Variants in KLHL32 observed in about 807,000 individuals in gnomAD.
The protein encoded by KLHL32 is kelch like family member 32, also known as kelch-like protein 32.
Under a neutral mutation model 64.8 loss-of-function variants are expected in KLHL32, and 35 were observed. That is an observed-to-expected ratio of 0.54 (90% CI 0.41 to 0.72). KLHL32 has a LOEUF of 0.72. Ranked by LOEUF, KLHL32 falls within the 30% of genes least tolerant of loss-of-function variation. KLHL32 has a pLI of 0.00. For synonymous variants in KLHL32, 259 were observed against 281.0 expected (o/e 0.92, Z 0.78); for missense variants, 589 against 768.5 (o/e 0.77, Z 2.76).
At chr6:96,979,437 C>A (rs1015902504) in intron 3 of KLHL32, among the ~76,000 whole-genome samples, 1 of 152,132 alleles carries the variant, frequency 6.6e-6, no homozygotes, top group Non-Finnish European at 1.5e-5. Flanking sequence ...TGTCAAAGAT[C>A]AGATGGTTGT....
chr6:96,935,037 TAAG>T (rs1460924078), intron 1 of KLHL32, among the ~76,000 whole-genome samples: 2 of 152,182 alleles, frequency 1.3e-5, no homozygotes, highest in Non-Finnish European at 2.9e-5. Context: ...AGTATACAGA[TAAG>T]AAGAAAAAGA....
At chr6:97,054,863 C>T (rs1340224131) in intron 4 of KLHL32, among the ~76,000 whole-genome samples, 11 of 152,054 alleles carry the variant, frequency 7.2e-5, no homozygotes, top group South Asian at 2.1e-4. Context: ...TGCTTGAACC[C>T]GGGAGGCAGA....
chr6:96,903,419 A>G, the KLHL32 span, among the ~76,000 whole-genome samples: 1 of 152,210 alleles, frequency 6.6e-6, no homozygotes, highest in African/African-American at 2.4e-5. Context: ...GGTCACTCTC[A>G]TGATTACTTT....
Position 97,113,809 on chromosome 6 carries a change from C to T in KLHL32, c.654C>T (p.Asn218=), listed in dbSNP as rs750292305. ...TAGCTGTGAGGTGGTTGGAACACAA[C>T]TGCCACTACCAGTACATGGACGAGC... The part of the protein sequence containing the change: ...WQLAVRWLEH[N]CHYQYMDELL... Residue 218 remains asparagine (N), a synonymous_variant, in exon 7 of 11, where the codon AAC becomes AAT. Transcript: ENST00000369261. 6 of 1,613,650 alleles carry T rather than the reference C, an allele frequency of 3.7e-6. No homozygotes were observed. The highest frequency in any genetic ancestry group is 5.1e-6 in the Non-Finnish European group (6 of 1,179,684).
chr6:96,996,192 A>G (rs997075387), intron 3 of KLHL32, among the ~76,000 whole-genome samples: 7 of 152,230 alleles, frequency 4.6e-5, no homozygotes, highest in Non-Finnish European at 1.0e-4. Context: ...ATGAACGCCT[A>G]CAGTTTCTGG....
In KLHL32 at chr6:97,132,710, A is replaced by G. The variant is rs1227888743; in HGVS notation, c.1664A>G (p.Tyr555Cys). ...GGGAGAATATATTTAGTTGGTGGAT[A>G]TTCAATTTGGACAAATGAGCCTCTG... ...HNGRIYLVGG[Y>C]SIWTNEPLAC... The change falls in exon 10 of 11, where the codon TAT becomes TGT. Residue 555 changes from tyrosine to cysteine, a missense_variant. This residue lies in a region of KLHL32 where 172 missense variants were observed against 192.0 expected (regional missense o/e 0.90). Transcript: ENST00000369261. 8.7e-6 allele frequency: 14 copies of G among 1,613,456 alleles called. No homozygotes were observed. Among genetic ancestry groups the G allele is most frequent in the Non-Finnish European group, 1.2e-5 (14 of 1,179,652 alleles).
intron 3 of KLHL32, among the ~76,000 whole-genome samples, chr6:97,002,202 C>T (rs546045427): frequency 2.6e-5 from 4 of 152,054 alleles, no homozygotes; most frequent in African/African-American, 4.8e-5. Flanking sequence ...AAAGACAGCC[C>T]GGCAGAGAGA....
At chr6:96,984,723 T>G (rs1776785785) in intron 3 of KLHL32, among the ~76,000 whole-genome samples, 3 of 152,216 alleles carry the variant, frequency 2.0e-5, no homozygotes, top group Non-Finnish European at 1.5e-5. Flanking sequence ...TCTATTTGCT[T>G]GGTGGATCTT....
chr6:96,937,677 CA>C (rs1770778585), intron 1 of KLHL32, among the ~76,000 whole-genome samples: 1 of 152,180 alleles, frequency 6.6e-6, no homozygotes, highest in Non-Finnish European at 1.5e-5. Flanking sequence ...ATTCAGTCAT[CA>C]GGGGCTCTCA....
intron 5 of KLHL32, among the ~76,000 whole-genome samples, chr6:97,076,423 C>CTTTTG (rs2128169111): frequency 6.6e-6 from 1 of 152,298 alleles, no homozygotes; most frequent in Non-Finnish European, 1.5e-5. Context: ...ATCCTTATCA[C>CTTTTG]AGATCTGGAA....
At chr6:97,120,418 A>G (rs1466886721) in intron 7 of KLHL32, among the ~76,000 whole-genome samples, 1 of 152,226 alleles carries the variant, frequency 6.6e-6, no homozygotes, top group Non-Finnish European at 1.5e-5. Flanking sequence ...AACAGGTTAA[A>G]GAAAAATAGG....
chr6:97,062,842 T>A lies in KLHL32; in HGVS notation c.313-1786T>A, dbSNP rs537590576. On this transcript the variant is annotated intron_variant, in intron 4 of 10. Transcript: ENST00000369261. ...ACTATGGTGAAGAATAAAACAAAGTTAGGAGCTAGGGAATGATGGCTGTTC... is the reference window on the plus strand; with the variant it reads ...ACTATGGTGAAGAATAAAACAAAGTAAGGAGCTAGGGAATGATGGCTGTTC... 9.9e-5 allele frequency among the ~76,000 whole-genome samples: 15 copies of A among 152,228 alleles called. No homozygotes were observed. The East Asian group carries it at 2.7e-3, about 27-fold the overall frequency.
At chr6:96,989,717 C>G (rs1582611460) in intron 3 of KLHL32, among the ~76,000 whole-genome samples, 1 of 152,072 alleles carries the variant, frequency 6.6e-6, no homozygotes, top group South Asian at 2.1e-4. Context: ...TTTTCTCCCC[C>G]CCTCTCTTCC....
At chr6:96,943,072 CTG>C (rs1361964345) in intron 1 of KLHL32, among the ~76,000 whole-genome samples, 4 of 149,016 alleles carry the variant, frequency 2.7e-5, no homozygotes, top group African/African-American at 5.1e-5. Context: ...CACACACACT[CTG>C]TACATACACA....
intron 3 of KLHL32, among the ~76,000 whole-genome samples, chr6:97,040,386 A>T (rs1487680495): frequency 6.6e-6 from 1 of 152,026 alleles, no homozygotes; most frequent in African/African-American, 2.4e-5. Context: ...TTTTCATTTG[A>T]CATACTGATT....
chr6:96,962,642 C>A (rs1429729518), intron 1 of KLHL32, among the ~76,000 whole-genome samples: 1 of 152,174 alleles, frequency 6.6e-6, no homozygotes, highest in Non-Finnish European at 1.5e-5. Context: ...CTACATGATT[C>A]ATATTTGTAT....
chr6:97,028,876 T>C (rs1304218050), intron 3 of KLHL32, among the ~76,000 whole-genome samples: 5 of 152,236 alleles, frequency 3.3e-5, no homozygotes, highest in Admixed American at 6.5e-5. Context: ...CTTTGTATGG[T>C]GGGTAGGAAT....
chr6:97,111,238 T>G (rs1434414146), intron 6 of KLHL32, among the ~76,000 whole-genome samples: 1 of 152,230 alleles, frequency 6.6e-6, no homozygotes. Context: ...ATGGCAGTGT[T>G]GCATCCTGTC....
intron 3 of KLHL32, among the ~76,000 whole-genome samples, chr6:97,039,548 G>A (rs1354404390): frequency 3.8e-5 from 4 of 105,254 alleles, no homozygotes; most frequent in Non-Finnish European, 6.0e-5. Flanking sequence ...ACAGCCGGGC[G>A]CAGTGGTTCA....
Sources: allele counts gnomAD v4.1 joint callset (sites outside exome capture counted in the v4.1 genomes callset), GRCh38; gene constraint gnomAD v4.1.1; regional missense constraint gnomAD v4.1.1; transcripts MANE v1.5; gene names NCBI Gene and HGNC (gene_info 2026-07-23, HGNC 2026-07-21).